Variants in PISD observed in about 807,000 individuals in gnomAD.
PISD encodes phosphatidylserine decarboxylase proenzyme, mitochondrial.
PISD carries 31 observed loss-of-function variants against 43.5 expected under a neutral mutation model. That is an observed-to-expected ratio of 0.71 (90% CI 0.54 to 0.96). The LOEUF is 0.96. Ranked by LOEUF, PISD falls within the 40% of genes least tolerant of loss-of-function variation. The pLI is 0.00. For missense variants in PISD, 523 were observed against 548.4 expected (o/e 0.95, Z 0.46); for synonymous variants, 259 against 228.7 (o/e 1.13, Z -1.20).
intron 3 of PISD, among the ~76,000 whole-genome samples, chr22:31,645,053 G>A (rs113612277): frequency 0.026 from 3,951 of 152,102 alleles, 151 homozygotes; most frequent in African/African-American, 0.089. Flanking sequence ...ACCCAAGGGT[G>A]GAGCTTGCAG....
chr22:31,656,267 C>G (rs1432472625), intron 1 of PISD, among the ~76,000 whole-genome samples: 1 of 152,010 alleles, frequency 6.6e-6, no homozygotes, highest in Non-Finnish European at 1.5e-5. Context: ...TTGCTTGAAC[C>G]CAGGAGGTGG....
intron 1 of PISD, among the ~76,000 whole-genome samples, chr22:31,657,493 G>A (rs957434808): frequency 1.3e-5 from 2 of 151,120 alleles, no homozygotes; most frequent in Non-Finnish European, 2.9e-5. Flanking sequence ...TCACCCTGTT[G>A]TGCTAGCAAA....
intron 3 of PISD, chr22:31,629,280 G>A (rs1386408060): frequency 2.1e-5 from 20 of 944,954 alleles, no homozygotes; most frequent in East Asian, 2.3e-4. Flanking sequence ...TGGAGGATAC[G>A]TGTGCAGGTG....
At chr22:31,625,919 C>T in intron 3 of PISD, 1 of 1,529,844 alleles carries the variant, frequency 6.5e-7, no homozygotes, top group South Asian at 1.2e-5. Flanking sequence ...GCTGTCACTG[C>T]TCCAGGGCCT....
At chr22:31,649,310 A>G (rs947516627) in intron 2 of PISD, among the ~76,000 whole-genome samples, 5 of 152,212 alleles carry the variant, frequency 3.3e-5, no homozygotes, top group African/African-American at 4.8e-5. Context: ...GACAGAGGCT[A>G]AATATCTGTT....
intron 3 of PISD, among the ~76,000 whole-genome samples, chr22:31,627,169 C>A (rs1180387997): frequency 2.0e-5 from 3 of 152,258 alleles, no homozygotes; most frequent in Non-Finnish European, 1.5e-5. Context: ...AGGTCAGACA[C>A]AAGCGTGGAT....
Position 31,621,803 on chromosome 22 carries a change from A to G in PISD, c.404T>C (p.Leu135Pro). Reference protein sequence around the residue: ...RLNQVELPHWLRRPVYSLYIW... With the variant: ...RLNQVELPHWPRRPVYSLYIW... The stretch of plus-strand genomic sequence containing the variant: ...GTACAGGCTGTAGACGGGCCTGCGC[A>G]GCCAGTGTGGCAGCTCCACCTGATT... Residue 135 changes from leucine (L) to proline (P), a missense_variant, in exon 4 of 8, where the codon CTG becomes CCG. By Grantham distance (98) the Leu-to-Pro change is moderately conservative. Coordinates refer to ENST00000439502, the MANE Select transcript of PISD (RefSeq NM_001326411.2). 1 of 1,613,908 alleles carries G rather than the reference A, an allele frequency of 6.2e-7. No individual in the cohort carries two copies. The highest frequency in any genetic ancestry group is 8.5e-7 in the Non-Finnish European group (1 of 1,180,030).
At chr22:31,631,331 A>C (rs2073198180) in intron 3 of PISD, among the ~76,000 whole-genome samples, 1 of 152,286 alleles carries the variant, frequency 6.6e-6, no homozygotes, top group African/African-American at 2.4e-5. Context: ...TAGCCCTAGG[A>C]AGCTCCAGAG....
At chr22:31,655,809 G>GT (rs1390712655) in intron 1 of PISD, among the ~76,000 whole-genome samples, 1 of 151,556 alleles carries the variant, frequency 6.6e-6, no homozygotes, top group Admixed American at 6.6e-5. Context: ...TAATTTTTGT[G>GT]TTTTTTTAGT....
In PISD at chr22:31,632,297, A is replaced by G. The variant is rs2073238495; in HGVS notation, c.322-10412T>C. 3.1e-6 allele frequency: 3 copies of G among 954,788 alleles called. No homozygotes were observed. In the South Asian group the frequency reaches 1.4e-4, roughly 46 times the overall value. 59.1% of individuals were successfully genotyped at this position (954,788 alleles called of 1,614,324 possible). A position where few individuals can be genotyped will look rare whatever the true frequency, so the allele number is the denominator to read the frequency against. ...ATTTCCATGTTCTTCCATACCTACA[A>G]TGCACCCATGGGAACAGGGAGGCAG... On this transcript the variant is annotated intron_variant, in intron 3 of 7. Transcript: ENST00000439502.
At position 31,630,587 on chromosome 22, in the gene PISD, G is replaced by C. The variant is rs1414448048; in HGVS notation, c.322-8702C>G. The stretch of plus-strand genomic sequence containing the variant: ...ACGCAGCCCGGGCCGTGCCCACGTG[G>C]GGACGGAAAAAAAGCCCACGACTCG... On this transcript the variant is annotated intron_variant, in intron 3 of 7. Coordinates refer to ENST00000439502, the MANE Select transcript of PISD (RefSeq NM_001326411.2). The surrounding 1 kb of genome is among the most constrained non-coding windows in gnomAD (Gnocchi z 4.4). 3.0e-6 allele frequency: 1 copy of C among 337,214 alleles called. No individual in the cohort carries two copies. 20.9% of individuals were successfully genotyped at this position (337,214 alleles called of 1,614,324 possible).
chr22:31,621,827 T>C lies in PISD; in HGVS notation c.380A>G (p.Asn127Ser), dbSNP rs776428951. ...CAGCCAGTGTGGCAGCTCCACCTGA[T>C]TGAGGCGACCCCAGGCCCGTGACAG... ...RLLSRAWGRLNQVELPHWLRR... is the reference protein window; with the variant it reads ...RLLSRAWGRLSQVELPHWLRR... The change falls in exon 4 of 8, where the codon AAT becomes AGT. Residue 127 changes from asparagine (N) to serine (S), a missense_variant. Physicochemically the swap from Asn to Ser is conservative, Grantham distance 46. Coordinates refer to ENST00000439502, the MANE Select transcript of PISD (RefSeq NM_001326411.2). The C allele has an allele frequency of 1.9e-5, 31 of 1,612,952 alleles. No homozygotes were observed. The Admixed American group carries it at 2.5e-4, about 13-fold the overall frequency.
chr22:31,657,897 C>T (rs1248670262), intron 1 of PISD, among the ~76,000 whole-genome samples: 1 of 152,148 alleles, frequency 6.6e-6, no homozygotes, highest in African/African-American at 2.4e-5. Context: ...TTCTGGTAAC[C>T]ATCCTTCTAC....
chr22:31,654,439 C>T (rs2147805632), intron 1 of PISD, among the ~76,000 whole-genome samples: 1 of 152,226 alleles, frequency 6.6e-6, no homozygotes, highest in Middle Eastern at 3.4e-3. Flanking sequence ...TCCTTCATTG[C>T]TCCTCCAGGG....
At chr22:31,645,286 C>G (rs1184335624) in intron 3 of PISD, among the ~76,000 whole-genome samples, 1 of 151,910 alleles carries the variant, frequency 6.6e-6, no homozygotes, top group Non-Finnish European at 1.5e-5. Flanking sequence ...CGCTTATATT[C>G]CCAGCTACTC....
rs576778673 is a variant in PISD, at chr22:31,621,162, G to A, written c.698-20C>T. On this transcript the variant is annotated intron_variant, in intron 5 of 7. Transcript: ENST00000439502. ...ACGCGGCTGTGGAGTAGGAGCAGAC[G>A]TGGGGGCCACCAACACAGTGAGCAC... 169 of 1,613,776 alleles carry A rather than the reference G, an allele frequency of 1.0e-4. 2 individuals are homozygous for A. The Admixed American group carries it at 2.5e-3, about 24-fold the overall frequency.
At chr22:31,656,317 C>T (rs956615444) in intron 1 of PISD, among the ~76,000 whole-genome samples, 1 of 151,848 alleles carries the variant, frequency 6.6e-6, no homozygotes, top group Admixed American at 6.6e-5. Context: ...GCACTCCAGC[C>T]TGGGCATGAC....
intron 3 of PISD, among the ~76,000 whole-genome samples, chr22:31,639,977 C>T (rs1300622469): frequency 1.3e-5 from 2 of 152,122 alleles, no homozygotes; most frequent in African/African-American, 2.4e-5. Context: ...TGAGCTCCTG[C>T]CTTCAAGAGT....
chr22:31,631,424 G>A (rs997680671), intron 3 of PISD, among the ~76,000 whole-genome samples: 1 of 152,166 alleles, frequency 6.6e-6, no homozygotes, highest in Non-Finnish European at 1.5e-5. Context: ...CTCCAGGCAC[G>A]CAAAACCCTG....
Sources: gnomAD v4.1 joint callset for allele counts (sites outside exome capture counted in the v4.1 genomes callset) on GRCh38, gnomAD v4.1.1 for gene constraint, Gnocchi (gnomAD v3.1) non-coding constraint, MANE v1.5 for transcripts, NCBI Gene and HGNC (gene_info 2026-07-23, HGNC 2026-07-21) for gene names.